The following MYO3A variants were observed in gnomAD, a reference collection of about 807,000 sequenced individuals.
The protein encoded by MYO3A is myosin IIIA.
MYO3A carries 180 observed loss-of-function variants against 192.7 expected under a neutral mutation model. The ratio of observed to expected loss-of-function variants is 0.93; its 90% CI spans 0.83 to 1.06. The LOEUF is 1.06. Ranked by LOEUF, MYO3A falls within the 50% of genes least tolerant of loss-of-function variation. MYO3A has a pLI of 0.00. For missense variants in MYO3A, 1,896 were observed against 1,905.0 expected (o/e 1.00, Z 0.09); for synonymous variants, 628 against 645.3 (o/e 0.97, Z 0.41).
chr10:26,009,615 A>G (rs1036811272), intron 6 of MYO3A, among the ~76,000 whole-genome samples: 7 of 152,130 alleles, frequency 4.6e-5, no homozygotes, highest in Non-Finnish European at 7.4e-5. Flanking sequence ...TCACTCAAAA[A>G]CAGAAGCCTT....
chr10:25,942,657 T>C (rs1201263530), intron 2 of MYO3A, among the ~76,000 whole-genome samples: 3 of 152,218 alleles, frequency 2.0e-5, no homozygotes, highest in Non-Finnish European at 2.9e-5. Context: ...TGAAGTGGTA[T>C]TGCATTGTGA....
At chr10:26,190,928 C>CT (rs1179217983) in intron 31 of MYO3A, among the ~76,000 whole-genome samples, 2 of 151,966 alleles carry the variant, frequency 1.3e-5, no homozygotes, top group Admixed American at 6.6e-5. Flanking sequence ...TTCCCAGAAC[C>CT]TTTTTTTGTT....
At chr10:25,960,426 T>G (rs942760154) in intron 4 of MYO3A, among the ~76,000 whole-genome samples, 1 of 152,142 alleles carries the variant, frequency 6.6e-6, no homozygotes, top group African/African-American at 2.4e-5. Context: ...CAATCTCCCA[T>G]GCACTGAAAA....
chr10:25,996,038 AG>A (rs1002900162), intron 4 of MYO3A, among the ~76,000 whole-genome samples: 1 of 152,256 alleles, frequency 6.6e-6, no homozygotes, highest in Non-Finnish European at 1.5e-5. Context: ...GCTGTCAGAC[AG>A]GGACATTTAA....
intron 31 of MYO3A, among the ~76,000 whole-genome samples, chr10:26,179,253 C>T (rs542593920): frequency 6.6e-6 from 1 of 151,954 alleles, no homozygotes; most frequent in South Asian, 2.1e-4. Flanking sequence ...CGACCACCAC[C>T]ATGCCCAGCT....
intron 11 of MYO3A, 56 bp from the exon 12 acceptor site, chr10:26,068,711 AT>A: frequency 8.6e-7 from 1 of 1,159,462 alleles, no homozygotes; most frequent in East Asian, 2.4e-5. Flanking sequence ...TACTTTTTAA[AT>A]TGTAGTTGAC....
intron 6 of MYO3A, among the ~76,000 whole-genome samples, chr10:26,002,340 C>T (rs1353426864): frequency 1.3e-5 from 2 of 152,082 alleles, no homozygotes; most frequent in African/African-American, 4.8e-5. Context: ...CTCAGCAAGG[C>T]AAGTTACTTC....
intron 27 of MYO3A, among the ~76,000 whole-genome samples, chr10:26,167,200 A>G (rs995085016): frequency 6.6e-6 from 1 of 152,210 alleles, no homozygotes; most frequent in Non-Finnish European, 1.5e-5. Context: ...CATATTTGCA[A>G]AGAAATTTAT....
rs531434147 is a variant in MYO3A at position 26,088,269 on chromosome 10, G to A, written c.1426G>A (p.Ala476Thr). 5.6e-5 allele frequency: 90 copies of A among 1,613,672 alleles called. 2 individuals carry two copies. The South Asian group carries it at 8.6e-4, about 15-fold the overall frequency. The change falls in exon 15 of 35, where the codon GCC (alanine) becomes ACC (threonine). Residue 476 changes from alanine to threonine, a missense_variant. Transcript: ENST00000642920. ...VNNLVEAFGN[A>T]CTIINDNSSR... Reference sequence around the variant, plus strand: ...CAATTTGGTAGAAGCCTTTGGCAATGCCTGCACTATTATAAATGACAATTC... The same window carrying A: ...CAATTTGGTAGAAGCCTTTGGCAATACCTGCACTATTATAAATGACAATTC...
chr10:26,170,346 T>C (rs923422766), intron 28 of MYO3A, 70 bp from the exon 29 acceptor site: 1 of 1,547,718 alleles, frequency 6.5e-7, no homozygotes, highest in Non-Finnish European at 8.8e-7. Flanking sequence ...AAGCCACCAT[T>C]TCTACTCTTT....
intron 4 of MYO3A, among the ~76,000 whole-genome samples, chr10:25,958,727 TG>T (rs1588660029): frequency 6.6e-6 from 1 of 152,222 alleles, no homozygotes; most frequent in African/African-American, 2.4e-5. Context: ...TCCATGAGCA[TG>T]GAATGTTTTT....
intron 29 of MYO3A, among the ~76,000 whole-genome samples, chr10:26,171,092 T>C (rs1313852323): frequency 6.6e-6 from 1 of 152,072 alleles, no homozygotes; most frequent in Non-Finnish European, 1.5e-5. Flanking sequence ...GACAAACACA[T>C]CCCTCTTGTA....
chr10:26,202,093 A>G (rs1330414034), intron 33 of MYO3A, among the ~76,000 whole-genome samples: 1 of 152,204 alleles, frequency 6.6e-6, no homozygotes, highest in Middle Eastern at 3.2e-3. Flanking sequence ...TCCTTTTCTT[A>G]TATTTCCCAC....
chr10:26,158,369 C>T (rs1841276376), intron 26 of MYO3A, among the ~76,000 whole-genome samples: 1 of 151,878 alleles, frequency 6.6e-6, no homozygotes, highest in Non-Finnish European at 1.5e-5. Flanking sequence ...TCTTCTGCCT[C>T]AGCCTCCCGA....
At chr10:26,062,093 A>G (rs181059651) in intron 10 of MYO3A, among the ~76,000 whole-genome samples, 1 of 152,232 alleles carries the variant, frequency 6.6e-6, no homozygotes, top group East Asian at 1.9e-4. Flanking sequence ...TTATCGAGAA[A>G]CTACACTATT....
intron 4 of MYO3A, among the ~76,000 whole-genome samples, chr10:25,986,247 T>TA (rs1839645120): frequency 6.6e-6 from 1 of 152,176 alleles, no homozygotes; most frequent in South Asian, 2.1e-4. Context: ...ACAGCCAACA[T>TA]TATACTGAAC....
chr10:25,976,238 T>C (rs1215319770), intron 4 of MYO3A, among the ~76,000 whole-genome samples: 2 of 152,152 alleles, frequency 1.3e-5, no homozygotes, highest in Non-Finnish European at 2.9e-5. Flanking sequence ...GAAGTTTCAC[T>C]TGTAGGCATT....
chr10:25,935,238 G>A (rs770048587), intron 1 of MYO3A, among the ~76,000 whole-genome samples: 7 of 152,208 alleles, frequency 4.6e-5, no homozygotes, highest in Admixed American at 2.0e-4. Flanking sequence ...TACCAGGAAA[G>A]GATGTCCTTT....
At chr10:26,181,798 T>C (rs1842630183) in intron 31 of MYO3A, among the ~76,000 whole-genome samples, 1 of 147,706 alleles carries the variant, frequency 6.8e-6, no homozygotes, top group African/African-American at 2.5e-5. Flanking sequence ...CCCCACTGAA[T>C]TAGTTTATAT....
Sources: allele counts gnomAD v4.1 joint callset (sites outside exome capture counted in the v4.1 genomes callset), GRCh38; gene constraint gnomAD v4.1.1; transcripts MANE v1.5; gene names NCBI Gene and HGNC (gene_info 2026-07-23, HGNC 2026-07-21).